MYO6: variants seen among roughly 807,000 people sequenced by gnomAD.
MYO6 encodes unconventional myosin-VI.
A neutral mutation model predicts 178.7 loss-of-function variants in MYO6; 74 were observed. The observed-to-expected ratio is 0.41, with a 90% CI of 0.34 to 0.50. The LOEUF is 0.50. MYO6 is among the 20% of genes least tolerant of loss of function. The pLI is 0.09. For missense variants in MYO6, 1,330 were observed against 1,547.4 expected (o/e 0.86, Z 2.36); for synonymous variants, 477 against 504.6 (o/e 0.95, Z 0.73).
chr6:75,777,819 A>G (rs1335008553), intron 1 of MYO6, among the ~76,000 whole-genome samples: 1 of 152,174 alleles, frequency 6.6e-6, no homozygotes, highest in East Asian at 1.9e-4. Context: ...AGAAAAAAGT[A>G]TTCTTTGTTC....
intron 20 of MYO6, among the ~76,000 whole-genome samples, chr6:75,874,593 G>T (rs1777422046): frequency 6.6e-6 from 1 of 152,142 alleles, no homozygotes; most frequent in African/African-American, 2.4e-5. Flanking sequence ...CCTGGTTGAG[G>T]CTTATAGTTC....
intron 9 of MYO6, among the ~76,000 whole-genome samples, chr6:75,843,015 G>A (rs1019413998): frequency 2.0e-5 from 3 of 152,168 alleles, no homozygotes; most frequent in African/African-American, 7.2e-5. Flanking sequence ...AAGAGGAAGA[G>A]TAGGGGAACA....
At chr6:75,896,806 C>T (rs952268681) in intron 29 of MYO6, among the ~76,000 whole-genome samples, 5 of 152,172 alleles carry the variant, frequency 3.3e-5, no homozygotes, top group African/African-American at 1.2e-4. Flanking sequence ...TCTGAGTGGG[C>T]ACTCTTGCCC....
intron 28 of MYO6, among the ~76,000 whole-genome samples, chr6:75,894,314 A>G (rs1471554490): frequency 6.6e-6 from 1 of 152,208 alleles, no homozygotes; most frequent in East Asian, 1.9e-4. Context: ...TAAATTAAGC[A>G]GAATTAGCTA....
At chr6:75,858,801 A>T in intron 13 of MYO6, 101 bp from the exon 14 acceptor site, 1 of 729,938 alleles carries the variant, frequency 1.4e-6, no homozygotes, top group Admixed American at 2.4e-5. Flanking sequence ...AATTTAACCT[A>T]ATTTTAAATT....
At chr6:75,885,907 GT>G in intron 23 of MYO6, 96 bp from the exon 24 acceptor site, 1 of 742,456 alleles carries the variant, frequency 1.3e-6, no homozygotes, top group Non-Finnish European at 2.3e-6. Context: ...AAGATTTCAT[GT>G]TTCTTGAGCA....
Position 75,824,715 on chromosome 6 carries a change from A to C in MYO6, c.187+1864A>C, listed in dbSNP as rs1340330217. On this transcript the variant is annotated intron_variant, in intron 3 of 34. Transcript: ENST00000369977. ...ACTGAAACAGAAGTAGTGCCTTAAC[A>C]GTGCCTTAACAGTGTAGCAACACTT... Among the ~76,000 whole-genome samples, 6 of 152,000 alleles carry C rather than the reference A, an allele frequency of 3.9e-5. No homozygotes were observed. In the South Asian group the frequency reaches 1.2e-3, roughly 32 times the overall value.
At chr6:75,910,614 T>G (rs1780689509) in intron 32 of MYO6, among the ~76,000 whole-genome samples, 1 of 152,166 alleles carries the variant, frequency 6.6e-6, no homozygotes, top group Non-Finnish European at 1.5e-5. Context: ...CACATACATA[T>G]TAAGCCTTCA....
At chr6:75,784,738 C>CT (rs1767350038) in intron 1 of MYO6, among the ~76,000 whole-genome samples, 1 of 136,946 alleles carries the variant, frequency 7.3e-6, no homozygotes, top group Non-Finnish European at 1.5e-5. Flanking sequence ...GGTCGCACCA[C>CT]TGCACTCCAG....
intron 30 of MYO6, among the ~76,000 whole-genome samples, chr6:75,901,143 A>G (rs182300634): frequency 2.0e-5 from 3 of 152,146 alleles, no homozygotes; most frequent in African/African-American, 4.8e-5. Context: ...GTAGCCTTGT[A>G]GTATAGTTTG....
At chr6:75,845,709 G>A (rs994251182) in intron 10 of MYO6, among the ~76,000 whole-genome samples, 1 of 151,858 alleles carries the variant, frequency 6.6e-6, no homozygotes, top group African/African-American at 2.4e-5. Context: ...AGCTGGTCAG[G>A]TGGAGTGGGT....
chr6:75,817,365 G>A, intron 1 of MYO6, 136 bp from the exon 2 acceptor site: 1 of 627,124 alleles, frequency 1.6e-6, no homozygotes, highest in East Asian at 2.8e-5. Flanking sequence ...AAGGGAGGAG[G>A]TGGGGATTTT....
At chr6:75,909,008 G>A (rs1251621127) in intron 32 of MYO6, among the ~76,000 whole-genome samples, 1 of 152,078 alleles carries the variant, frequency 6.6e-6, no homozygotes, top group Non-Finnish European at 1.5e-5. Flanking sequence ...AAAATGAGTT[G>A]CTAAAAAGGA....
intron 1 of MYO6, among the ~76,000 whole-genome samples, chr6:75,807,711 G>A (rs969480023): frequency 1.2e-4 from 18 of 152,206 alleles, no homozygotes; most frequent in Middle Eastern, 3.2e-3. Context: ...AGCCCCAAAG[G>A]CTGCTGGCTG....
In MYO6 at chr6:75,863,817, G is replaced by A. The variant is rs79726747; in HGVS notation, c.1674+1094G>A. Reference sequence around the variant, plus strand: ...CTGGTTTCTGAACTGCTGTTAGGTCGCAGAGCTGTGCTTGAGTCTTTAGAG... The same window carrying A: ...CTGGTTTCTGAACTGCTGTTAGGTCACAGAGCTGTGCTTGAGTCTTTAGAG... On this transcript the variant is annotated intron_variant, in intron 16 of 34. Coordinates refer to ENST00000369977, the MANE Select transcript of MYO6 (RefSeq NM_004999.4). 3.0e-3 allele frequency among the ~76,000 whole-genome samples: 456 copies of A among 151,888 alleles called. 1 individual carries two copies. Among genetic ancestry groups the A allele is most frequent in the African/African-American group, 0.01 (424 of 41,364 alleles).
At chr6:75,850,870 AAT>A (rs1298975697) in intron 11 of MYO6, among the ~76,000 whole-genome samples, 2 of 151,224 alleles carry the variant, frequency 1.3e-5, no homozygotes, top group Non-Finnish European at 3.0e-5. Context: ...GTACAATTAA[AAT>A]ACAGATTGCT....
chr6:75,755,461 G>C (rs1002744982), intron 1 of MYO6, among the ~76,000 whole-genome samples: 4 of 152,030 alleles, frequency 2.6e-5, no homozygotes, highest in African/African-American at 9.7e-5. Context: ...ATTTTTTAAT[G>C]GAAGATAGAA....
chr6:75,841,140 T>C (rs1562234617), intron 8 of MYO6, 74 bp from the exon 9 acceptor site: 1 of 1,407,872 alleles, frequency 7.1e-7, no homozygotes, highest in Non-Finnish European at 9.9e-7. Context: ...AAAAGGTAAA[T>C]AATTTAACAT....
rs1583073292 is a variant in MYO6 at position 75,787,690 on chromosome 6, C to A, written c.-47-29811C>A. 3.7e-4 allele frequency among the ~76,000 whole-genome samples: 10 copies of A among 27,190 alleles called. No individual in the cohort carries two copies. The East Asian group carries it at 8.2e-3, about 22-fold the overall frequency. The allele number at this position is 27,190 out of a possible 152,430, so 17.8% of individuals were successfully genotyped here. A position where few individuals can be genotyped will look rare whatever the true frequency, so the allele number is the denominator to read the frequency against. ...GAATGGAACTATTCTCTCTCTCTCTCTCTCTCTCTCTCTCTCTCTCTCTCT... is the reference window on the plus strand; with the variant it reads ...GAATGGAACTATTCTCTCTCTCTCTATCTCTCTCTCTCTCTCTCTCTCTCT... On this transcript the variant is annotated intron_variant, in intron 1 of 34. Coordinates refer to ENST00000369977, the MANE Select transcript of MYO6 (RefSeq NM_004999.4).
Sources: gnomAD v4.1 joint callset for allele counts (sites outside exome capture counted in the v4.1 genomes callset) on GRCh38, gnomAD v4.1.1 for gene constraint, MANE v1.5 for transcripts, NCBI Gene and HGNC (gene_info 2026-07-23, HGNC 2026-07-21) for gene names.